PUS7: variants seen among roughly 807,000 people sequenced by gnomAD.
PUS7 encodes the protein pseudouridine synthase 7.
A neutral mutation model predicts 79.8 loss-of-function variants in PUS7; 48 were observed. The ratio of observed to expected loss-of-function variants is 0.60; its 90% confidence interval spans 0.48 to 0.76. PUS7 has a LOEUF of 0.76. Among genes scored for constraint, PUS7 ranks in the 30% least tolerant of loss-of-function variants. The pLI is 0.00. For synonymous variants in PUS7, 286 were observed against 272.2 expected, an observed-to-expected ratio of 1.05 and a Z score of -0.50; for missense variants, 729 against 797.6, an observed-to-expected ratio of 0.91 and a Z score of 1.04.
intron 6 of PUS7, among the ~76,000 whole-genome samples, chr7:105,491,834 A>G (rs1416726563): frequency 6.6e-6 from 1 of 152,174 alleles, no homozygotes. Context: ...AGACAGGTGG[A>G]TCACCTGAGG....
intron 12 of PUS7, among the ~76,000 whole-genome samples, chr7:105,467,359 G>A (rs113549867): frequency 0.022 from 3,266 of 149,752 alleles, 118 homozygotes; most frequent in African/African-American, 0.076. Context: ...GTGTGATCTC[G>A]GCTCACTGCA....
Position 105,505,999 on chromosome 7 carries a change from C to G in PUS7, c.541G>C (p.Glu181Gln), listed in dbSNP as rs1464439827. ...LTAEEKQRLE[E>Q]LQLFKNKETS... Reference sequence around the variant, plus strand: ...TCCTTATTTTTGAACAGCTGGAGCTCTTCCAATCGCTGCTTTTCTTCAGCT... The same window carrying G: ...TCCTTATTTTTGAACAGCTGGAGCTGTTCCAATCGCTGCTTTTCTTCAGCT... Residue 181 changes from glutamate (E) to glutamine (Q), a missense_variant, in exon 4 of 16, where the codon GAG (glutamate) becomes CAG (glutamine). Transcript: ENST00000469408. 6.2e-7 allele frequency: 1 copy of G among 1,613,910 alleles called. No individual in the cohort carries two copies. Among genetic ancestry groups the G allele is most frequent in the Admixed American group, 1.7e-5 (1 of 59,966 alleles).
chr7:105,491,755 T>C, intron 6 of PUS7, 138 bp from the exon 7 acceptor site: 2 of 610,392 alleles, frequency 3.3e-6, no homozygotes, highest in Non-Finnish European at 5.6e-6. Context: ...AGAAACTTTA[T>C]TTTAACATGA....
chr7:105,517,213 G>A (rs1189716938), intron 1 of PUS7, among the ~76,000 whole-genome samples: 1 of 148,710 alleles, frequency 6.7e-6, no homozygotes. Context: ...CTGGAGTACA[G>A]TGGTGTGATC....
intron 5 of PUS7, among the ~76,000 whole-genome samples, chr7:105,501,968 AAATATATAT>A (rs1205907458): frequency 2.6e-4 from 26 of 99,476 alleles, no homozygotes; most frequent in African/African-American, 1.0e-3. Context: ...AAAAAAAAAA[AAATATATAT>A]ATATATATAT....
At chr7:105,489,759 T>G (rs1824706982) in intron 7 of PUS7, among the ~76,000 whole-genome samples, 2 of 152,194 alleles carry the variant, frequency 1.3e-5, no homozygotes, top group Middle Eastern at 3.4e-3. Context: ...AGCCCAATTG[T>G]AGGGGATTAT....
Position 105,465,316 on chromosome 7 carries a change from T to C in PUS7, c.1624A>G (p.Lys542Glu). Residue 542 changes from lysine to glutamate, a missense_variant, in exon 13 of 16, where the codon AAA (lysine) becomes GAA (glutamate). Physicochemically the swap from Lys to Glu is moderately conservative, Grantham distance 56. Coordinates refer to ENST00000469408, the MANE Select transcript of PUS7 (RefSeq NM_019042.5). ...TTTCCCCATACAGGGAACTTACTTT[T>C]ATGCTTTGGGTAGATAACATCGAAA... The part of the protein sequence containing the change: ...PGFDVIYPKH[K>E]IQEAYREMLT... The C allele has an allele frequency of 6.2e-7, 1 of 1,602,762 alleles. No homozygotes were observed. Among genetic ancestry groups the C allele is most frequent in the Non-Finnish European group, 8.5e-7 (1 of 1,170,648 alleles).
intron 12 of PUS7, among the ~76,000 whole-genome samples, chr7:105,466,378 C>T (rs1481482302): frequency 6.6e-6 from 1 of 151,936 alleles, no homozygotes; most frequent in African/African-American, 2.4e-5. Flanking sequence ...CTGCCTCACC[C>T]TCTCGAGAAG....
intron 1 of PUS7, among the ~76,000 whole-genome samples, chr7:105,515,377 G>A (rs991387696): frequency 6.6e-6 from 1 of 151,980 alleles, no homozygotes; most frequent in African/African-American, 2.4e-5. Flanking sequence ...TTTAGAACTG[G>A]TGTTTCCAGG....
At chr7:105,506,774 T>A (rs1229301638) in intron 2 of PUS7, among the ~76,000 whole-genome samples, 1 of 152,152 alleles carries the variant, frequency 6.6e-6, no homozygotes, top group East Asian at 1.9e-4. Flanking sequence ...AAGTTTTATA[T>A]GAGAACTTAA....
At chr7:105,466,742 T>TG (rs921117769) in intron 12 of PUS7, among the ~76,000 whole-genome samples, 1 of 146,178 alleles carries the variant, frequency 6.8e-6, no homozygotes, top group African/African-American at 2.6e-5. Context: ...TGCATTTTGC[T>TG]GGGAAAAAAA....
chr7:105,495,944 G>A (rs527921705), intron 5 of PUS7, among the ~76,000 whole-genome samples: 1 of 151,926 alleles, frequency 6.6e-6, no homozygotes, highest in African/African-American at 2.4e-5. Flanking sequence ...CGGATCACCT[G>A]AGGTCAGGAG....
At chr7:105,513,665 G>A (rs1204317060) in intron 1 of PUS7, among the ~76,000 whole-genome samples, 2 of 149,146 alleles carry the variant, frequency 1.3e-5, no homozygotes, top group African/African-American at 2.5e-5. Context: ...GTGAAACCCC[G>A]TCTCTACTAA....
chr7:105,497,631 T>G lies in PUS7; in HGVS notation c.731-2378A>C, dbSNP rs534665906. On this transcript the variant is annotated intron_variant, in intron 5 of 15. Coordinates refer to ENST00000469408, the MANE Select transcript of PUS7 (RefSeq NM_019042.5). ...TTTTGAGATACAGCAAAACCAAATA[T>G]GCAATAGGTATGTGATAGGAAGAAA... 4.9e-4 allele frequency among the ~76,000 whole-genome samples: 74 copies of G among 152,308 alleles called. No individual in the cohort carries two copies. In the South Asian group the frequency reaches 0.014, roughly 30 times the overall value.
At chr7:105,514,612 G>A (rs1490142938) in intron 1 of PUS7, among the ~76,000 whole-genome samples, 1 of 151,376 alleles carries the variant, frequency 6.6e-6, no homozygotes, top group Non-Finnish European at 1.5e-5. Context: ...TCAAAAAAAA[G>A]AAAAGAAAAG....
At chr7:105,467,027 T>C (rs1823670103) in intron 12 of PUS7, among the ~76,000 whole-genome samples, 1 of 138,576 alleles carries the variant, frequency 7.2e-6, no homozygotes, top group African/African-American at 2.8e-5. Context: ...GAATCCCAGT[T>C]TTTTCTGTTT....
intron 15 of PUS7, among the ~76,000 whole-genome samples, chr7:105,458,879 G>C (rs1823300901): frequency 6.6e-6 from 1 of 152,036 alleles, no homozygotes; most frequent in African/African-American, 2.4e-5. Flanking sequence ...TAATTTTTTA[G>C]ACTCTTCCTG....
chr7:105,457,247 C>G lies in PUS7; in HGVS notation c.*543G>C, dbSNP rs1287672375. ...GCAACCAAAAAGTCTATAATGCTTG[C>G]CTGAATCTAGTACATAAGCAGGATA... On this transcript the variant is annotated 3_prime_UTR_variant, in exon 16 of 16. Transcript: ENST00000469408. 1 of 152,154 alleles carries G rather than the reference C, an allele frequency of 6.6e-6. No individual in the cohort carries two copies. Among genetic ancestry groups the G allele is most frequent in the Non-Finnish European group, 1.5e-5 (1 of 68,040 alleles). The allele number at this position is 152,154 out of a possible 1,614,324, so 9.4% of individuals were successfully genotyped here. A position where few individuals can be genotyped will look rare whatever the true frequency, so the allele number is the denominator to read the frequency against.
Position 105,505,995 on chromosome 7 carries a change from A to G in PUS7, c.545T>C (p.Leu182Pro). The change falls in exon 4 of 16, where the codon CTC becomes CCC. Residue 182 changes from leucine (L) to proline (P), a missense_variant. By Grantham distance (98) the Leu-to-Pro change is moderately conservative (BLOSUM62 -3). Transcript: ENST00000469408. ...TAEEKQRLEE[L>P]QLFKNKETSV... ...GGTTTCCTTATTTTTGAACAGCTGG[A>G]GCTCTTCCAATCGCTGCTTTTCTTC... 6.2e-7 allele frequency: 1 copy of G among 1,613,908 alleles called. No homozygotes were observed. Among genetic ancestry groups the G allele is most frequent in the South Asian group, 1.1e-5 (1 of 91,026 alleles).
Sources: allele counts gnomAD v4.1 joint callset (sites outside exome capture counted in the v4.1 genomes callset), GRCh38; gene constraint gnomAD v4.1.1; transcripts MANE v1.5; gene names NCBI Gene and HGNC (gene_info 2026-07-23, HGNC 2026-07-21).